FOXP1: variants seen among roughly 807,000 people sequenced by gnomAD.
FOXP1 encodes the protein forkhead box P1, also known as forkhead box protein P1.
A neutral mutation model predicts 98.2 loss-of-function variants in FOXP1; 15 were observed. That is an observed-to-expected ratio of 0.15 (90% CI 0.10 to 0.24). The LOEUF (loss-of-function observed/expected upper bound fraction) is 0.24, where lower values mean the gene tolerates loss of function less well. Ranked by LOEUF, FOXP1 falls within the 10% of genes least tolerant of loss-of-function variation. FOXP1 has a pLI of 1.00. For synonymous variants in FOXP1, 371 were observed against 314.5 expected (o/e 1.18, Z -1.90); for missense variants, 633 against 848.5 (o/e 0.75, Z 3.15).
At chr3:71,545,806 T>G (rs2045310241) in intron 2 of FOXP1, among the ~76,000 whole-genome samples, 2 of 152,212 alleles carry the variant, frequency 1.3e-5, no homozygotes, top group African/African-American at 4.8e-5. Flanking sequence ...AAACAGATTT[T>G]TAAGCTATTG....
chr3:71,495,347 C>T (rs937486200), intron 2 of FOXP1, among the ~76,000 whole-genome samples: 3 of 152,202 alleles, frequency 2.0e-5, no homozygotes, highest in African/African-American at 4.8e-5. Context: ...GAGCTTTCGC[C>T]CTGATCTATT....
At chr3:71,108,742 A>C (rs2057658453) in intron 7 of FOXP1, among the ~76,000 whole-genome samples, 1 of 152,124 alleles carries the variant, frequency 6.6e-6, no homozygotes, top group Non-Finnish European at 1.5e-5. Flanking sequence ...TCCAGCCTGG[A>C]TGAAAGAGCA....
intron 5 of FOXP1, among the ~76,000 whole-genome samples, chr3:71,293,808 G>A (rs755531439): frequency 2.0e-5 from 3 of 152,048 alleles, no homozygotes; most frequent in Non-Finnish European, 2.9e-5. Flanking sequence ...AAATTCTGAC[G>A]TTTAACTGTT....
At chr3:71,582,813 T>G (rs2107909287) in intron 1 of FOXP1, 1 of 983,932 alleles carries the variant, frequency 1.0e-6, no homozygotes, top group African/African-American at 1.8e-5. Flanking sequence ...TTTTCCGGGC[T>G]CCGAGGGGGT....
chr3:71,441,606 T>C (rs906086278), intron 3 of FOXP1, among the ~76,000 whole-genome samples: 1 of 151,974 alleles, frequency 6.6e-6, no homozygotes, highest in African/African-American at 2.4e-5. Context: ...TTTGGAGAGG[T>C]TGAGGAATGT....
At chr3:71,075,312 A>G (rs2053681665) in intron 7 of FOXP1, among the ~76,000 whole-genome samples, 1 of 152,272 alleles carries the variant, frequency 6.6e-6, no homozygotes, top group Non-Finnish European at 1.5e-5. Context: ...GCTGGCACAC[A>G]GTAAGCACTT....
At chr3:71,161,452 G>A (rs1303520977) in intron 6 of FOXP1, among the ~76,000 whole-genome samples, 3 of 152,128 alleles carry the variant, frequency 2.0e-5, no homozygotes, top group Admixed American at 1.3e-4. Context: ...CACAGCAGTG[G>A]CAAGCATGTT....
intron 2 of FOXP1, among the ~76,000 whole-genome samples, chr3:71,495,228 C>A (rs1325881506): frequency 2.0e-5 from 3 of 152,324 alleles, no homozygotes; most frequent in Non-Finnish European, 4.4e-5. Flanking sequence ...GGTCCCTTCT[C>A]AGTACTGGGA....
intron 7 of FOXP1, among the ~76,000 whole-genome samples, chr3:71,078,591 C>A (rs1182561688): frequency 6.6e-6 from 1 of 152,014 alleles, no homozygotes; most frequent in African/African-American, 2.4e-5. Flanking sequence ...ATTTCTCTTG[C>A]TAAATTTTGT....
intron 6 of FOXP1, among the ~76,000 whole-genome samples, chr3:71,115,500 C>T (rs200969311): frequency 1.3e-5 from 2 of 151,410 alleles, no homozygotes; most frequent in Non-Finnish European, 2.9e-5. Context: ...CCACACCCAG[C>T]TAATTTTTGT....
intron 5 of FOXP1, among the ~76,000 whole-genome samples, chr3:71,223,327 C>CA (rs1553787478): frequency 0.017 from 102 of 6,042 alleles, 1 homozygote; most frequent in African/African-American, 0.028. Flanking sequence ...CTCTTGGAGG[C>CA]ACTTTTTTCC....
chr3:71,183,432 G>A (rs575612298), intron 6 of FOXP1, among the ~76,000 whole-genome samples: 1 of 152,266 alleles, frequency 6.6e-6, no homozygotes, highest in South Asian at 2.1e-4. Flanking sequence ...CCAGGAGGCG[G>A]AGGTTGCAGT....
intron 5 of FOXP1, among the ~76,000 whole-genome samples, chr3:71,255,484 A>G (rs1337493334): frequency 1.3e-5 from 2 of 152,082 alleles, no homozygotes; most frequent in East Asian, 3.9e-4. Flanking sequence ...TCATACTCTT[A>G]AGTTCTCCCA....
intron 3 of FOXP1, among the ~76,000 whole-genome samples, chr3:71,482,503 C>T (rs1353714342): frequency 6.6e-6 from 1 of 151,036 alleles, no homozygotes; most frequent in African/African-American, 2.4e-5. Flanking sequence ...ACAGGGATTA[C>T]AGTTAGGGTA....
Position 71,198,263 on chromosome 3 carries a change from T to A in FOXP1, c.119A>T (p.Glu40Val), listed in dbSNP as rs765070623. 2.4e-5 allele frequency: 38 copies of A among 1,614,066 alleles called. No individual in the cohort carries two copies. The highest frequency in any genetic ancestry group is 3.1e-5 in the Non-Finnish European group (37 of 1,180,048). ...GGLREGRSNG[E>V]TPAVDIGAAD... ...TGCCCCGATGTCCACGGCCGGCGTC[T>A]CTCCGTTGGACCGCCCCTCCCGAAG... is the stretch of plus-strand genomic sequence containing the variant. Residue 40 changes from glutamate (E) to valine (V), a missense_variant, in exon 6 of 21, where the codon GAG (glutamate) becomes GTG (valine). By Grantham distance (121) the Glu-to-Val change is moderately radical (BLOSUM62 -2). This residue lies in a region of FOXP1 where 103 missense variants were observed against 85.5 expected (regional missense o/e 1.20). Transcript: ENST00000649528.
chr3:71,081,223 A>G lies in FOXP1; in HGVS notation c.283-27450T>C, dbSNP rs141906847. ...AATCTGAAAAGTGTTCTAACACTCC[A>G]TAATTCAAAACTGAAATGGCCCAAG... On this transcript the variant is annotated intron_variant, in intron 7 of 20. Coordinates refer to ENST00000649528, the MANE Select transcript of FOXP1 (RefSeq NM_001349338.3). Among the ~76,000 whole-genome samples, 244 of 152,342 alleles carry G rather than the reference A, an allele frequency of 1.6e-3. 1 individual carries two copies. Among genetic ancestry groups the G allele is most frequent in the Non-Finnish European group, 1.6e-3 (111 of 68,028 alleles).
chr3:71,249,054 C>G (rs1410575072), intron 5 of FOXP1, among the ~76,000 whole-genome samples: 1 of 152,318 alleles, frequency 6.6e-6, no homozygotes, highest in East Asian at 1.9e-4. Flanking sequence ...ATGCTGGAAA[C>G]CCAGGAGGAA....
chr3:71,409,542 C>T (rs933071231), intron 3 of FOXP1, among the ~76,000 whole-genome samples: 4 of 149,722 alleles, frequency 2.7e-5, no homozygotes, highest in Non-Finnish European at 4.5e-5. Flanking sequence ...TAGGGCTCAC[C>T]TATCTTTTCG....
At chr3:71,158,413 G>A (rs930283688) in intron 6 of FOXP1, among the ~76,000 whole-genome samples, 2 of 151,980 alleles carry the variant, frequency 1.3e-5, no homozygotes, top group Non-Finnish European at 2.9e-5. Context: ...TGCAGACAAA[G>A]TTAGGAGGCC....
Sources: gnomAD v4.1 joint callset for allele counts (sites outside exome capture counted in the v4.1 genomes callset) on GRCh38, gnomAD v4.1.1 for gene constraint, gnomAD v4.1.1 regional missense constraint, MANE v1.5 for transcripts, NCBI Gene and HGNC (gene_info 2026-07-23, HGNC 2026-07-21) for gene names.